P2RY6: variants seen among roughly 807,000 people sequenced by gnomAD.
P2RY6 encodes P2Y purinoceptor 6.
In P2RY6, 19 loss-of-function variants were observed where a neutral mutation model predicts 16.3. The ratio of observed to expected loss-of-function variants is 1.16; its 90% CI spans 0.81 to 1.71. The LOEUF is 1.71. Ranked by LOEUF, P2RY6 falls within the 40% of genes most tolerant of loss-of-function variation. The pLI, the probability that P2RY6 is intolerant of heterozygous loss-of-function variation, is 0.00. For synonymous variants in P2RY6, 184 were observed against 201.5 expected (o/e 0.91, Z 0.74); for missense variants, 389 against 455.5 (o/e 0.85, Z 1.33).
rs368760628 is a variant in P2RY6 at position 73,296,719 on chromosome 11, C to T, written c.201C>T (p.Asn67=). The T allele has an allele frequency of 7.4e-6, 12 of 1,613,996 alleles. No individual in the cohort carries two copies. The highest frequency in any genetic ancestry group is 1.0e-5 in the Non-Finnish European group (12 of 1,180,018). Residue 67 remains asparagine, a synonymous_variant, in exon 3 of 3, where the codon AAC becomes AAT. Coordinates refer to ENST00000540124, the MANE Select transcript of P2RY6 (RefSeq NM_001277204.2). Reference sequence around the variant, plus strand: ...CCCGCACGGCCGTGTACACCCTAAACCTTGCTCTGGCTGACCTGCTATATG... The same window carrying T: ...CCCGCACGGCCGTGTACACCCTAAATCTTGCTCTGGCTGACCTGCTATATG... ...ALTRTAVYTL[N]LALADLLYAC...
upstream of P2RY6, among the ~76,000 whole-genome samples, chr11:73,271,284 A>G (rs1020968155): frequency 6.6e-6 from 1 of 152,094 alleles, no homozygotes; most frequent in East Asian, 1.9e-4. Context: ...CCCCGGCATC[A>G]CCCTCCATCT....
At chr11:73,277,036 AG>A (rs749764374) in intron 1 of P2RY6, among the ~76,000 whole-genome samples, 3 of 152,182 alleles carry the variant, frequency 2.0e-5, no homozygotes, top group Non-Finnish European at 4.4e-5. Flanking sequence ...CCAACTCTTC[AG>A]GGGCTTAGGT....
chr11:73,272,679 G>A (rs11823952), intron 1 of P2RY6, among the ~76,000 whole-genome samples: 2,813 of 152,334 alleles, frequency 0.018, 89 homozygotes, highest in African/African-American at 0.064. Context: ...CGCAGGACGG[G>A]GTCAGTGGGG....
Position 73,297,512 on chromosome 11 carries a change from C to T in P2RY6, c.*7C>T, listed in dbSNP as rs1451333465. On this transcript the variant is annotated 3_prime_UTR_variant, in exon 3 of 3. Coordinates refer to ENST00000540124, the MANE Select transcript of P2RY6 (RefSeq NM_001277204.2). ...GCAGAGGCAGGGTCGCTGAGTCCTC[C>T]AGGTCCTGGGCAGCCTTCATATTTG... 1.3e-6 allele frequency: 2 copies of T among 1,599,270 alleles called. No individual in the cohort carries two copies. Among genetic ancestry groups the T allele is most frequent in the Non-Finnish European group, 1.7e-6 (2 of 1,169,216 alleles).
chr11:73,268,052 G>A (rs1490681587), upstream of P2RY6, among the ~76,000 whole-genome samples: 1 of 152,270 alleles, frequency 6.6e-6, no homozygotes, highest in African/African-American at 2.4e-5. Flanking sequence ...CGTGCCTGCC[G>A]TGGGTGGTGT....
intron 1 of P2RY6, among the ~76,000 whole-genome samples, chr11:73,278,749 TTATTTA>T (rs2135710165): frequency 6.6e-6 from 1 of 152,346 alleles, no homozygotes; most frequent in East Asian, 1.9e-4. Flanking sequence ...ATATCACATT[TTATTTA>T]TCTATTCATC....
At position 73,296,642 on chromosome 11, in the gene P2RY6, C is replaced by A. The variant is rs753406464; in HGVS notation, c.124C>A (p.Pro42Thr). The A allele has an allele frequency of 6.2e-7, 1 of 1,614,204 alleles. No individual in the cohort carries two copies. The highest frequency in any genetic ancestry group is 1.1e-5 in the South Asian group (1 of 91,088). The stretch of plus-strand genomic sequence containing the variant: ...TTCGGCGGTGCTGGCGGCTGGCCTG[C>A]CGCTGAACATCTGTGTCATTACCCA... ...VYSAVLAAGLPLNICVITQIC... is the reference protein window; with the variant it reads ...VYSAVLAAGLTLNICVITQIC... The change falls in exon 3 of 3, where the codon CCG (proline) becomes ACG (threonine). Residue 42 changes from proline (P) to threonine (T), a missense_variant. Physicochemically the swap from Pro to Thr is conservative, Grantham distance 38 (BLOSUM62 -1). Transcript: ENST00000540124.
At chr11:73,293,825 T>G (rs2135755264) in intron 1 of P2RY6, among the ~76,000 whole-genome samples, 1 of 152,122 alleles carries the variant, frequency 6.6e-6, no homozygotes, top group East Asian at 1.9e-4. Context: ...CCCCCAGTCA[T>G]CTGAGACAGA....
intron 1 of P2RY6, among the ~76,000 whole-genome samples, chr11:73,282,706 G>A (rs1330692223): frequency 1.3e-5 from 2 of 152,226 alleles, no homozygotes. Context: ...ACAGAGCCCA[G>A]AGAGGTGCCT....
chr11:73,271,381 G>A (rs537470886), upstream of P2RY6: 3 of 152,280 alleles, frequency 2.0e-5, no homozygotes, highest in South Asian at 4.1e-4. Flanking sequence ...TGGGAGCATC[G>A]GCAGGCTAGC....
upstream of P2RY6, among the ~76,000 whole-genome samples, chr11:73,268,835 C>T (rs1863189747): frequency 6.6e-6 from 1 of 152,238 alleles, no homozygotes; most frequent in African/African-American, 2.4e-5. Flanking sequence ...AGCAAGGGGC[C>T]AATGGGCGGT....
intron 1 of P2RY6, among the ~76,000 whole-genome samples, chr11:73,266,368 G>A (rs527496018): frequency 4.6e-5 from 7 of 152,250 alleles, no homozygotes; most frequent in Non-Finnish European, 7.4e-5. Context: ...TGGAGGAACC[G>A]AAAAATGCTG....
At chr11:73,273,796 G>A (rs1863418136) in intron 1 of P2RY6, among the ~76,000 whole-genome samples, 1 of 152,062 alleles carries the variant, frequency 6.6e-6, no homozygotes, top group Non-Finnish European at 1.5e-5. Context: ...GCTATGCACT[G>A]GCTGTTTTCA....
At chr11:73,276,978 C>G (rs1461825887) in intron 1 of P2RY6, among the ~76,000 whole-genome samples, 1 of 152,126 alleles carries the variant, frequency 6.6e-6, no homozygotes, top group South Asian at 2.1e-4. Flanking sequence ...CTGTGAGTTT[C>G]CTGGCAGCTG....
At chr11:73,281,655 G>T (rs1317170849) in intron 1 of P2RY6, among the ~76,000 whole-genome samples, 1 of 152,208 alleles carries the variant, frequency 6.6e-6, no homozygotes, top group East Asian at 1.9e-4. Flanking sequence ...CGGGAACTGT[G>T]AATCCAGCTG....
In P2RY6 at chr11:73,296,223, GAAA is replaced by G. The variant is rs142793721; in HGVS notation, c.-34-253_-34-251del. On this transcript the variant is annotated intron_variant, in intron 2 of 2. Transcript: ENST00000540124. Reference sequence around the variant, plus strand: ...TAGAAGTTCACTAGGAAGGCTGAAGGAAAAAAAAAAATATATATATATATATAT... The same window carrying G: ...TAGAAGTTCACTAGGAAGGCTGAAGGAAAAAAAATATATATATATATATAT... Among the ~76,000 whole-genome samples the G allele has an allele frequency of 3.4e-4, 41 of 121,464 alleles. No individual in the cohort carries two copies. The South Asian group carries it at 6.0e-3, about 18-fold the overall frequency. 79.7% of individuals were successfully genotyped at this position (121,464 alleles called of 152,430 possible).
At chr11:73,292,261 G>A (rs1357707029) in intron 1 of P2RY6, among the ~76,000 whole-genome samples, 4 of 152,366 alleles carry the variant, frequency 2.6e-5, no homozygotes, top group East Asian at 1.9e-4. Flanking sequence ...GTAGGTACTC[G>A]ATAAGTGTGT....
upstream of P2RY6, chr11:73,271,681 C>G (rs1247524644): frequency 1.3e-5 from 2 of 152,270 alleles, no homozygotes; most frequent in African/African-American, 4.8e-5. Flanking sequence ...GGGTCTGGTT[C>G]CTTGGTTTCG....
chr11:73,280,704 T>G (rs1863723722), intron 1 of P2RY6, among the ~76,000 whole-genome samples: 1 of 151,850 alleles, frequency 6.6e-6, no homozygotes, highest in East Asian at 1.9e-4. Flanking sequence ...GCCACAGATG[T>G]GGGGAGAGGG....
Sources: allele counts gnomAD v4.1 joint callset (sites outside exome capture counted in the v4.1 genomes callset), GRCh38; gene constraint gnomAD v4.1.1; transcripts MANE v1.5; gene names NCBI Gene and HGNC (gene_info 2026-07-23, HGNC 2026-07-21).